ERI3: variants seen among roughly 807,000 people sequenced by gnomAD.
ERI3 encodes ERI1 exoribonuclease 3.
In ERI3, 18 loss-of-function variants were observed where a neutral mutation model predicts 44.4. The observed-to-expected ratio is 0.41, with a 90% confidence interval of 0.28 to 0.60. ERI3 has a LOEUF of 0.60. ERI3 is among the 20% of genes least tolerant of loss of function. The pLI, the probability that ERI3 is intolerant of heterozygous loss-of-function variation, is 0.36. For missense variants in ERI3, 294 were observed against 435.5 expected (o/e 0.68, Z 2.89); for synonymous variants, 183 against 164.8 (o/e 1.11, Z -0.84).
chr1:44,250,868 C>T (rs901260589), intron 7 of ERI3, among the ~76,000 whole-genome samples: 3 of 152,288 alleles, frequency 2.0e-5, no homozygotes, highest in South Asian at 2.1e-4. Context: ...ATATTAAAAA[C>T]GGTTAATTAA....
chr1:44,253,701 G>A, intron 7 of ERI3, among the ~76,000 whole-genome samples: 1 of 152,216 alleles, frequency 6.6e-6, no homozygotes. Context: ...GTCCGGGGCT[G>A]CTGTGTTAAG....
At chr1:44,322,940 C>T in intron 3 of ERI3, 1 of 1,433,982 alleles carries the variant, frequency 7.0e-7, no homozygotes, top group Non-Finnish European at 9.2e-7. Context: ...TTAATCCCAA[C>T]ACAAAGATTT....
intron 7 of ERI3, among the ~76,000 whole-genome samples, chr1:44,280,530 T>G (rs527993978): frequency 1.6e-4 from 24 of 152,310 alleles, no homozygotes; most frequent in Admixed American, 1.4e-3. Flanking sequence ...ATATTTTTTA[T>G]TATCACAACG....
chr1:44,354,388 T>C (rs756638206), intron 1 of ERI3: 169 of 985,336 alleles, frequency 1.7e-4, no homozygotes, highest in Non-Finnish European at 1.9e-4. Context: ...AGCAGTTATA[T>C]TTTGCAAGAA....
Position 44,247,926 on chromosome 1 carries a change from C to T in ERI3, c.931+13G>A, listed in dbSNP as rs370368837. On this transcript the variant is annotated intron_variant, in intron 8 of 8. Transcript: ENST00000372257. Reference sequence around the variant, plus strand: ...TGGATGGAGCTGCCGGGGGAATATGCGAAGGGACTGACCAATGCCGCTGTG... The same window carrying T: ...TGGATGGAGCTGCCGGGGGAATATGTGAAGGGACTGACCAATGCCGCTGTG... 2.5e-6 allele frequency: 4 copies of T among 1,602,082 alleles called. No individual in the cohort carries two copies. The highest frequency in any genetic ancestry group is 1.3e-5 in the African/African-American group (1 of 74,446).
chr1:44,245,147 C>T (rs908310284), intron 8 of ERI3, among the ~76,000 whole-genome samples: 2 of 152,164 alleles, frequency 1.3e-5, no homozygotes, highest in Admixed American at 6.5e-5. Context: ...CCTTTTAGCA[C>T]GCACAGTAAC....
At chr1:44,245,521 T>C (rs1417876134) in intron 8 of ERI3, among the ~76,000 whole-genome samples, 2 of 152,154 alleles carry the variant, frequency 1.3e-5, no homozygotes, top group South Asian at 2.1e-4. Flanking sequence ...GCAGGTGGCA[T>C]TGTCCTTCAT....
intron 8 of ERI3, among the ~76,000 whole-genome samples, chr1:44,224,251 A>G (rs1277899679): frequency 2.0e-5 from 3 of 152,168 alleles, no homozygotes; most frequent in African/African-American, 7.2e-5. Flanking sequence ...TTCTTCCTTA[A>G]AGCCCTTCAG....
At chr1:44,339,798 T>C (rs1347173542) in intron 2 of ERI3, among the ~76,000 whole-genome samples, 1 of 152,210 alleles carries the variant, frequency 6.6e-6, no homozygotes, top group Non-Finnish European at 1.5e-5. Context: ...TCAGCTCCAC[T>C]AGGAGCCATT....
In ERI3 at chr1:44,320,528, A is replaced by G. The variant is rs575488432; in HGVS notation, c.490-784T>C. 2.0e-5 allele frequency among the ~76,000 whole-genome samples: 3 copies of G among 152,332 alleles called. No homozygotes were observed. The South Asian group carries it at 6.2e-4, about 32-fold the overall frequency. On this transcript the variant is annotated intron_variant, in intron 3 of 8. Transcript: ENST00000372257. The stretch of plus-strand genomic sequence containing the variant: ...GCTGGCTGTGCAGCACGCCTCATAC[A>G]TCGCTCCTGGGAAGGGAGGAACGCA...
Position 44,329,967 on chromosome 1 carries a change from G to A in ERI3, c.489+9078C>T, listed in dbSNP as rs551628583. Among the ~76,000 whole-genome samples the A allele has an allele frequency of 6.6e-5, 10 of 152,250 alleles. No individual in the cohort carries two copies. The East Asian group carries it at 1.7e-3, about 26-fold the overall frequency. ...CTAGCACACCTAAGGGTTACAACATGTAACTTCTCCCCATTCTCACCATCG... is the reference window on the plus strand; with the variant it reads ...CTAGCACACCTAAGGGTTACAACATATAACTTCTCCCCATTCTCACCATCG... On this transcript the variant is annotated intron_variant, in intron 3 of 8. Coordinates refer to ENST00000372257, the MANE Select transcript of ERI3 (RefSeq NM_024066.3).
At chr1:44,256,379 C>A (rs1321218085) in intron 7 of ERI3, among the ~76,000 whole-genome samples, 1 of 152,150 alleles carries the variant, frequency 6.6e-6, no homozygotes. Flanking sequence ...CTATGTATAT[C>A]CCCCAACCCA....
chr1:44,335,319 C>T (rs1373327827), intron 3 of ERI3, among the ~76,000 whole-genome samples: 3 of 151,128 alleles, frequency 2.0e-5, no homozygotes, highest in Non-Finnish European at 4.4e-5. Flanking sequence ...TCACACACTG[C>T]ACTCCAGCCT....
At chr1:44,338,446 G>A (rs944622548) in intron 3 of ERI3, among the ~76,000 whole-genome samples, 1 of 152,222 alleles carries the variant, frequency 6.6e-6, no homozygotes, top group African/African-American at 2.4e-5. Context: ...TTGGCTAAGA[G>A]CCTCAGTTCC....
At chr1:44,256,574 G>T (rs1644785751) in intron 7 of ERI3, among the ~76,000 whole-genome samples, 1 of 152,146 alleles carries the variant, frequency 6.6e-6, no homozygotes, top group South Asian at 2.1e-4. Flanking sequence ...TTCATCAACG[G>T]AACCTGAGTG....
intron 3 of ERI3, among the ~76,000 whole-genome samples, chr1:44,337,659 T>C (rs1311722396): frequency 6.6e-6 from 1 of 152,096 alleles, no homozygotes; most frequent in African/African-American, 2.4e-5. Context: ...GGCAGACCAA[T>C]GCATTAAGGG....
chr1:44,286,706 T>C (rs911687649), intron 6 of ERI3, among the ~76,000 whole-genome samples: 4 of 152,146 alleles, frequency 2.6e-5, no homozygotes, highest in Non-Finnish European at 5.9e-5. Flanking sequence ...TCTTAGAACA[T>C]CCTTCCTTAA....
chr1:44,235,000 G>C (rs1644271914), intron 8 of ERI3, among the ~76,000 whole-genome samples: 2 of 152,154 alleles, frequency 1.3e-5, no homozygotes, highest in Admixed American at 6.5e-5. Flanking sequence ...ATGAGGGAAA[G>C]CTGGGTAAGG....
intron 6 of ERI3, among the ~76,000 whole-genome samples, chr1:44,300,884 G>A (rs974044794): frequency 2.6e-5 from 4 of 152,188 alleles, no homozygotes; most frequent in African/African-American, 7.2e-5. Flanking sequence ...CCATCTGAGC[G>A]TGGCAGGCTG....
Sources: gnomAD v4.1 joint callset for allele counts (sites outside exome capture counted in the v4.1 genomes callset) on GRCh38, gnomAD v4.1.1 for gene constraint, MANE v1.5 for transcripts, NCBI Gene and HGNC (gene_info 2026-07-23, HGNC 2026-07-21) for gene names.